Variants in KCNIP4 observed in about 807,000 individuals in gnomAD.
KCNIP4 encodes potassium voltage-gated channel interacting protein 4, also known as Kv channel-interacting protein 4.
Under a neutral mutation model 34.0 loss-of-function variants are expected in KCNIP4, and 12 were observed. The ratio of observed to expected loss-of-function variants is 0.35; its 90% confidence interval spans 0.23 to 0.57. The LOEUF (loss-of-function observed/expected upper bound fraction) is 0.57, where lower values mean the gene tolerates loss of function less well. Ranked by LOEUF, KCNIP4 falls within the 20% of genes least tolerant of loss-of-function variation. The pLI is 0.83. For missense variants in KCNIP4, 238 were observed against 311.7 expected (o/e 0.76, Z 1.78); for synonymous variants, 124 against 102.2 (o/e 1.21, Z -1.29).
At chr4:21,056,461 T>C (rs1743411967) in intron 1 of KCNIP4, among the ~76,000 whole-genome samples, 1 of 152,196 alleles carries the variant, frequency 6.6e-6, no homozygotes, top group South Asian at 2.1e-4. Flanking sequence ...GTCACGTATT[T>C]GTCCACTGGG....
intron 1 of KCNIP4, among the ~76,000 whole-genome samples, chr4:21,155,682 C>G (rs567113053): frequency 1.4e-4 from 21 of 152,110 alleles, no homozygotes; most frequent in Admixed American, 1.4e-3. Context: ...TGCTGGTGAT[C>G]CTGGAGGGCT....
intron 2 of KCNIP4, among the ~76,000 whole-genome samples, chr4:20,873,920 T>TC (rs1723740629): frequency 6.6e-6 from 1 of 152,164 alleles, no homozygotes; most frequent in Non-Finnish European, 1.5e-5. Flanking sequence ...CTCCTTTTTT[T>TC]CCCCTCTGAT....
Position 21,329,297 on chromosome 4 carries a change from TAC to T in KCNIP4, c.62-446590_62-446589del, listed in dbSNP as rs374292072. 4.4e-3 allele frequency among the ~76,000 whole-genome samples: 667 copies of T among 152,294 alleles called. 6 individuals are homozygous for T. The highest frequency in any genetic ancestry group is 0.015 in the African/African-American group (629 of 41,562). ...ACTTCCAAGAGGATACGGAAAAACA[TAC>T]ACAGTTTCCATACTTATTGAACTTA... On this transcript the variant is annotated intron_variant, in intron 1 of 8. Transcript: ENST00000382152.
chr4:20,730,176 G>C (rs564294322), intron 8 of KCNIP4, 47 bp from the exon 9 acceptor site: 1 of 1,567,762 alleles, frequency 6.4e-7, no homozygotes, highest in Non-Finnish European at 8.6e-7. Flanking sequence ...TATCTGCAAG[G>C]AAAAGTACAC....
intron 1 of KCNIP4, among the ~76,000 whole-genome samples, chr4:21,288,390 G>A (rs970693585): frequency 3.9e-5 from 6 of 152,000 alleles, no homozygotes; most frequent in African/African-American, 1.5e-4. Flanking sequence ...TAAAACAGAA[G>A]TCCCTATCAT....
rs1029525059 is a variant in KCNIP4 at position 21,397,104 on chromosome 4, A to T, written c.62-514395T>A. Among the ~76,000 whole-genome samples, 5 of 152,338 alleles carry T rather than the reference A, an allele frequency of 3.3e-5. No homozygotes were observed. The East Asian group carries it at 9.6e-4, about 29-fold the overall frequency. ...TCAGAACCTATAGCTGAGGCAAAAA[A>T]ATAAAAAATAAAAAGAAGAATTAAG... On this transcript the variant is annotated intron_variant, in intron 1 of 8. Transcript: ENST00000382152.
At chr4:21,852,222 A>G (rs1724456782) in intron 1 of KCNIP4, 1 of 152,140 alleles carries the variant, frequency 6.6e-6, no homozygotes, top group South Asian at 2.1e-4. Flanking sequence ...AGGCTTCCAG[A>G]CTGCAGCTCA....
At chr4:21,448,033 A>G (rs1252886156) in intron 1 of KCNIP4, among the ~76,000 whole-genome samples, 1 of 152,116 alleles carries the variant, frequency 6.6e-6, no homozygotes, top group African/African-American at 2.4e-5. Context: ...AAGGGGAACT[A>G]CTGTAGGTAT....
intron 1 of KCNIP4, among the ~76,000 whole-genome samples, chr4:21,917,958 C>G (rs1040498298): frequency 2.6e-5 from 4 of 152,112 alleles, no homozygotes; most frequent in Non-Finnish European, 5.9e-5. Flanking sequence ...GAATTTGGCT[C>G]TTAGAGTGCT....
At chr4:21,479,691 T>C (rs1731265620) in intron 1 of KCNIP4, among the ~76,000 whole-genome samples, 1 of 152,106 alleles carries the variant, frequency 6.6e-6, no homozygotes, top group Non-Finnish European at 1.5e-5. Flanking sequence ...CAGTGAAACA[T>C]AGTTTCACAC....
At chr4:21,234,560 ACG>A (rs1759198144) in intron 1 of KCNIP4, among the ~76,000 whole-genome samples, 1 of 134,716 alleles carries the variant, frequency 7.4e-6, no homozygotes, top group African/African-American at 2.9e-5. Flanking sequence ...ATTACATATA[ACG>A]TATATAATAT....
At chr4:20,748,882 ATG>A (rs139805656) in intron 5 of KCNIP4, among the ~76,000 whole-genome samples, 2 of 144,414 alleles carry the variant, frequency 1.4e-5, no homozygotes, top group African/African-American at 5.1e-5. Context: ...GTGTGTGTGT[ATG>A]TGTGTGTGTG....
At chr4:21,058,848 T>G (rs551536801) in intron 1 of KCNIP4, among the ~76,000 whole-genome samples, 120 of 152,190 alleles carry the variant, frequency 7.9e-4, no homozygotes, top group African/African-American at 2.7e-3. Context: ...AACCCCTGAT[T>G]CTTCTGATTA....
chr4:21,536,412 C>G (rs16871329), intron 1 of KCNIP4, among the ~76,000 whole-genome samples: 55,112 of 151,968 alleles, frequency 0.36, 10,368 homozygotes, highest in South Asian at 0.55. Flanking sequence ...AAACAAATGA[C>G]AAGTAACCAA....
intron 2 of KCNIP4, among the ~76,000 whole-genome samples, chr4:20,862,141 C>T (rs974439891): frequency 6.6e-6 from 1 of 151,902 alleles, no homozygotes; most frequent in African/African-American, 2.4e-5. Context: ...CAGGCATGTG[C>T]CACCACACCT....
chr4:20,798,514 G>GACACACACATACACAC (rs751764358), intron 3 of KCNIP4, among the ~76,000 whole-genome samples: 4 of 147,424 alleles, frequency 2.7e-5, no homozygotes, highest in Non-Finnish European at 4.5e-5. Flanking sequence ...CACACACACA[G>GACACACACATACACAC]ACACACACAT....
chr4:21,810,258 T>C (rs989341926), intron 1 of KCNIP4, among the ~76,000 whole-genome samples: 4 of 152,280 alleles, frequency 2.6e-5, no homozygotes, highest in Admixed American at 2.0e-4. Flanking sequence ...GAACAATGCA[T>C]AGAAATATTC....
chr4:21,283,801 A>C (rs1448337664), intron 1 of KCNIP4, among the ~76,000 whole-genome samples: 1 of 151,920 alleles, frequency 6.6e-6, no homozygotes, highest in Non-Finnish European at 1.5e-5. Context: ...AAAGTATAAT[A>C]ATAAAATAAA....
chr4:20,822,883 A>G (rs2149447111), intron 3 of KCNIP4, among the ~76,000 whole-genome samples: 1 of 152,288 alleles, frequency 6.6e-6, no homozygotes, highest in African/African-American at 2.4e-5. Context: ...TACTACTCTC[A>G]TAAAAGAGGT....
Sources: allele counts gnomAD v4.1 joint callset (sites outside exome capture counted in the v4.1 genomes callset), GRCh38; gene constraint gnomAD v4.1.1; transcripts MANE v1.5; gene names NCBI Gene and HGNC (gene_info 2026-07-23, HGNC 2026-07-21).